AGBL4: variants seen among roughly 807,000 people sequenced by gnomAD.
AGBL4 encodes the protein AGBL carboxypeptidase 4, also known as cytosolic carboxypeptidase 6.
A neutral mutation model predicts 66.4 loss-of-function variants in AGBL4; 58 were observed. That is an observed-to-expected ratio of 0.87 (90% CI 0.71 to 1.09). The LOEUF (loss-of-function observed/expected upper bound fraction) is 1.09, where lower values mean the gene tolerates loss of function less well. Among genes scored for constraint, AGBL4 ranks in the 50% least tolerant of loss-of-function variants. The pLI is 0.00. For missense variants in AGBL4, 579 were observed against 631.0 expected (o/e 0.92, Z 0.88); for synonymous variants, 234 against 222.9 (o/e 1.05, Z -0.44).
chr1:49,668,555 T>C (rs1401524487), intron 3 of AGBL4, among the ~76,000 whole-genome samples: 2 of 152,178 alleles, frequency 1.3e-5, no homozygotes, highest in African/African-American at 2.4e-5. Context: ...CAGTCTGTAA[T>C]GGTGTGTCAG....
rs570690762 is a variant in AGBL4 at position 49,232,454 on chromosome 1, T to G, written c.377+13316A>C. Among the ~76,000 whole-genome samples, 16 of 152,130 alleles carry G rather than the reference T, an allele frequency of 1.1e-4. No individual in the cohort carries two copies. In the East Asian group the frequency reaches 2.9e-3, roughly 28 times the overall value. ...TGGCTCAAGCCTGTAATCCCAGCACTTTGGGAGGCTGAGGTGGGCGGATCT... is the reference window on the plus strand; with the variant it reads ...TGGCTCAAGCCTGTAATCCCAGCACGTTGGGAGGCTGAGGTGGGCGGATCT... On this transcript the variant is annotated intron_variant, in intron 4 of 13. Transcript: ENST00000371839.
intron 12 of AGBL4, 26 bp from the exon 13 acceptor site, chr1:48,534,942 CT>C (rs746456250): frequency 1.4e-5 from 21 of 1,548,710 alleles, no homozygotes; most frequent in Non-Finnish European, 1.7e-5. Flanking sequence ...AATTCATGTC[CT>C]TCCTGCCTCT....
rs979587190 is a variant in AGBL4, at chr1:49,255,285, A to G, written c.283-9421T>C. On this transcript the variant is annotated intron_variant, in intron 3 of 13. Transcript: ENST00000371839. ...CTATCAGTCTGGACAATGGTCTAAT[A>G]TCCAGCATCTATAAGGAATGTAAAT... 4.0e-4 allele frequency among the ~76,000 whole-genome samples: 61 copies of G among 152,328 alleles called. 1 individual carries two copies. The highest frequency in any genetic ancestry group is 1.4e-3 in the African/African-American group (58 of 41,592).
At chr1:49,539,894 T>C (rs1044770914) in intron 3 of AGBL4, among the ~76,000 whole-genome samples, 3 of 152,078 alleles carry the variant, frequency 2.0e-5, no homozygotes, top group South Asian at 2.1e-4. Context: ...AGCAGAAGCA[T>C]GGTAAGAGCA....
At chr1:48,717,663 A>C (rs546616358) in intron 6 of AGBL4, among the ~76,000 whole-genome samples, 1 of 152,200 alleles carries the variant, frequency 6.6e-6, no homozygotes, top group Non-Finnish European at 1.5e-5. Flanking sequence ...CTAGAATCCA[A>C]CCAGTGGAAG....
chr1:49,140,154 T>C (rs1646090688), intron 4 of AGBL4, among the ~76,000 whole-genome samples: 1 of 152,218 alleles, frequency 6.6e-6, no homozygotes, highest in Non-Finnish European at 1.5e-5. Context: ...TACAATATAC[T>C]TTTTTGACTG....
chr1:50,013,276 G>A (rs1357502994), intron 1 of AGBL4, among the ~76,000 whole-genome samples: 5 of 152,130 alleles, frequency 3.3e-5, no homozygotes. Context: ...GAGTAAATAA[G>A]ATCATGAGTC....
In AGBL4 at chr1:49,189,586, T is replaced by C. The variant is rs1370048857; in HGVS notation, c.377+56184A>G. ...GCTGAGGCTCAGAGATTAAATGTCCTCTTTTGTATTTATCCTATTTGGTCA... is the reference window on the plus strand; with the variant it reads ...GCTGAGGCTCAGAGATTAAATGTCCCCTTTTGTATTTATCCTATTTGGTCA... On this transcript the variant is annotated intron_variant, in intron 4 of 13. Coordinates refer to ENST00000371839, the MANE Select transcript of AGBL4 (RefSeq NM_032785.4). 2.0e-5 allele frequency among the ~76,000 whole-genome samples: 3 copies of C among 152,198 alleles called. No homozygotes were observed. The South Asian group carries it at 6.2e-4, about 31-fold the overall frequency.
At chr1:49,189,143 A>G (rs1647069214) in intron 4 of AGBL4, among the ~76,000 whole-genome samples, 1 of 152,204 alleles carries the variant, frequency 6.6e-6, no homozygotes. Context: ...TAAGGAGATG[A>G]GTGGCATACA....
chr1:49,735,158 A>G (rs1363460098), intron 2 of AGBL4, among the ~76,000 whole-genome samples: 1 of 152,218 alleles, frequency 6.6e-6, no homozygotes, highest in East Asian at 1.9e-4. Flanking sequence ...AAACTGGTGA[A>G]TATATCTTAC....
At chr1:48,666,965 G>T (rs962356031) in intron 6 of AGBL4, among the ~76,000 whole-genome samples, 1 of 152,174 alleles carries the variant, frequency 6.6e-6, no homozygotes, top group African/African-American at 2.4e-5. Flanking sequence ...GATCCAGAAA[G>T]GTTAAATGAC....
chr1:49,655,963 C>T (rs1571263469), intron 3 of AGBL4, among the ~76,000 whole-genome samples: 1 of 151,924 alleles, frequency 6.6e-6, no homozygotes, highest in Non-Finnish European at 1.5e-5. Context: ...CCTGACCAAC[C>T]TGGTGAAACC....
At position 49,580,124 on chromosome 1, in the gene AGBL4, T is replaced by C. The variant is rs141726538; in HGVS notation, c.282+117189A>G. Among the ~76,000 whole-genome samples the C allele has an allele frequency of 5.2e-4, 79 of 152,322 alleles. 1 individual carries two copies. The highest frequency in any genetic ancestry group is 1.9e-3 in the African/African-American group (78 of 41,584). ...ATGCCTACTTTATGTGATATGAGTA[T>C]AACCATTCCTGCTCACTTTCAGTTT... On this transcript the variant is annotated intron_variant, in intron 3 of 13. Coordinates refer to ENST00000371839, the MANE Select transcript of AGBL4 (RefSeq NM_032785.4).
chr1:49,354,999 T>G (rs558241129), intron 3 of AGBL4, among the ~76,000 whole-genome samples: 1 of 152,254 alleles, frequency 6.6e-6, no homozygotes, highest in African/African-American at 2.4e-5. Context: ...AGGGATAATT[T>G]AGACATGACA....
intron 3 of AGBL4, among the ~76,000 whole-genome samples, chr1:49,336,533 C>A (rs1401653698): frequency 6.6e-6 from 1 of 152,198 alleles, no homozygotes; most frequent in Non-Finnish European, 1.5e-5. Context: ...CACAAGGCAG[C>A]ACAAAGCTTA....
chr1:48,860,843 G>T (rs1647400100), intron 6 of AGBL4, among the ~76,000 whole-genome samples: 1 of 152,158 alleles, frequency 6.6e-6, no homozygotes, highest in Non-Finnish European at 1.5e-5. Flanking sequence ...TTCTCAAAGT[G>T]ATCTTACAAA....
chr1:49,381,336 T>G (rs1644604063), intron 3 of AGBL4, among the ~76,000 whole-genome samples: 1 of 152,116 alleles, frequency 6.6e-6, no homozygotes, highest in Non-Finnish European at 1.5e-5. Flanking sequence ...CACTAAAAAG[T>G]CAGGAAACAA....
intron 5 of AGBL4, among the ~76,000 whole-genome samples, chr1:48,913,255 C>T (rs765700287): frequency 6.6e-6 from 1 of 152,042 alleles, no homozygotes; most frequent in Non-Finnish European, 1.5e-5. Context: ...GGGGAAAGGA[C>T]ATTTTTGGAA....
intron 9 of AGBL4, among the ~76,000 whole-genome samples, chr1:48,621,578 C>T (rs2148397064): frequency 6.6e-6 from 1 of 152,326 alleles, no homozygotes; most frequent in East Asian, 1.9e-4. Flanking sequence ...ATCTAGTTTA[C>T]ATCCATTCTT....
Sources: allele counts gnomAD v4.1 joint callset (sites outside exome capture counted in the v4.1 genomes callset), GRCh38; gene constraint gnomAD v4.1.1; transcripts MANE v1.5; gene names NCBI Gene and HGNC (gene_info 2026-07-23, HGNC 2026-07-21).